The following UBL5 variants were observed in gnomAD, a reference collection of about 807,000 sequenced individuals.
The protein encoded by UBL5 is ubiquitin like 5.
A neutral mutation model predicts 11.7 loss-of-function variants in UBL5; 13 were observed. The ratio of observed to expected loss-of-function variants is 1.11; its 90% CI spans 0.73 to 1.77. The LOEUF is 1.77. Among genes scored for constraint, UBL5 ranks in the 40% most tolerant of loss-of-function variants. The pLI, the probability that UBL5 is intolerant of heterozygous loss-of-function variation, is 0.00. For synonymous variants in UBL5, 28 were observed against 34.7 expected (o/e 0.81, Z 0.68); for missense variants, 58 against 92.3 (o/e 0.63, Z 1.52).
chr19:9,828,394 G>C lies in UBL5; in HGVS notation c.56+1G>C. 6.2e-7 allele frequency: 1 copy of C among 1,612,578 alleles called. No homozygotes were observed. The highest frequency in any genetic ancestry group is 8.5e-7 in the Non-Finnish European group (1 of 1,179,206). Reference sequence around the variant, plus strand: ...GGAAGAAGGTCCGCGTTAAATGCAAGTATCCACTGGCAGCCGAGAGGCAGT... The same window carrying C: ...GGAAGAAGGTCCGCGTTAAATGCAACTATCCACTGGCAGCCGAGAGGCAGT... On this transcript the variant is annotated splice_donor_variant, in intron 2 of 4. Transcript: ENST00000586895. LOFTEE classifies it high-confidence loss of function.
intron 2 of UBL5, 58 bp downstream of exon 2, chr19:9,828,451 G>A (rs1255321788): frequency 1.2e-6 from 2 of 1,610,698 alleles, no homozygotes; most frequent in Non-Finnish European, 1.7e-6. Context: ...CGTGAGGCAG[G>A]CAACTCAATC....
rs542441834 is a variant in UBL5, at chr19:9,827,949, G to C, written c.-47G>C. The C allele has an allele frequency of 1.7e-4, 55 of 321,518 alleles. No homozygotes were observed. Among genetic ancestry groups the C allele is most frequent in the Non-Finnish European group, 3.0e-4 (50 of 169,084 alleles). The allele number at this position is 321,518 out of a possible 1,614,324, so 19.9% of individuals were successfully genotyped here. A position where few individuals can be genotyped will look rare whatever the true frequency, so the allele number is the denominator to read the frequency against. ...GACCGGGGTTCAGCGCTCGGGTGAGGAGCTGGTGGCGTCGGCAGGTTCGAG... is the reference window on the plus strand; with the variant it reads ...GACCGGGGTTCAGCGCTCGGGTGAGCAGCTGGTGGCGTCGGCAGGTTCGAG... On this transcript the variant is annotated 5_prime_UTR_variant, in exon 1 of 5. Coordinates refer to ENST00000586895, the MANE Select transcript of UBL5 (RefSeq NM_001048241.3).
intron 4 of UBL5, chr19:9,829,159 G>C: frequency 2.4e-6 from 1 of 423,342 alleles, no homozygotes; most frequent in Non-Finnish European, 4.2e-6. Context: ...TGTGCAAAAG[G>C]AGCAGAAACT....
intron 1 of UBL5, 127 bp from the exon 2 acceptor site, chr19:9,828,200 C>A: frequency 1.1e-6 from 1 of 893,036 alleles, no homozygotes; most frequent in South Asian, 1.5e-5. Flanking sequence ...GGGGGCAGAA[C>A]GGAAGGCTCA....
rs1045774687 is a variant in UBL5, at chr19:9,829,718, A to G, written c.179-247A>G. The G allele has an allele frequency of 1.5e-5, 7 of 472,772 alleles. No individual in the cohort carries two copies. The East Asian group carries it at 2.5e-4, about 17-fold the overall frequency. 29.3% of individuals were successfully genotyped at this position (472,772 alleles called of 1,614,324 possible). A position where few individuals can be genotyped will look rare whatever the true frequency, so the allele number is the denominator to read the frequency against. On this transcript the variant is annotated intron_variant, in intron 4 of 4. Transcript: ENST00000586895. ...CATCGTGTTGGCCAGGCTGGTCTCA[A>G]ACTCCTGACGTCAAGTGAGCCACCT...
chr19:9,829,728 G>A (rs759078779), intron 4 of UBL5: 77 of 489,340 alleles, frequency 1.6e-4, no homozygotes, highest in Non-Finnish European at 2.3e-4. Flanking sequence ...AACTCCTGAC[G>A]TCAAGTGAGC....
Position 9,830,109 on chromosome 19 carries a change from G to C in UBL5, c.*101G>C, listed in dbSNP as rs2046047704. On this transcript the variant is annotated 3_prime_UTR_variant, in exon 5 of 5. Coordinates refer to ENST00000586895, the MANE Select transcript of UBL5 (RefSeq NM_001048241.3). ...AAAAACTCACCTTAATAAAGACTTA[G>C]ATGTTGCTTTGTTGTTGTCTCTGTA... 6.7e-7 allele frequency: 1 copy of C among 1,488,850 alleles called. No homozygotes were observed. The highest frequency in any genetic ancestry group is 9.3e-7 in the Non-Finnish European group (1 of 1,077,152). The allele number at this position is 1,488,850 out of a possible 1,614,324, so 92.2% of individuals were successfully genotyped here.
At chr19:9,829,749 G>A (rs1274410875) in intron 4 of UBL5, 3 of 529,766 alleles carry the variant, frequency 5.7e-6, no homozygotes, top group East Asian at 3.1e-5. Context: ...CACCTGCTTC[G>A]TCCTCTCAAA....
Position 9,830,105 on chromosome 19 carries a change from C to T in UBL5, c.*97C>T. The stretch of plus-strand genomic sequence containing the variant: ...TTGTAAAAACTCACCTTAATAAAGA[C>T]TTAGATGTTGCTTTGTTGTTGTCTC... On this transcript the variant is annotated 3_prime_UTR_variant, in exon 5 of 5. Transcript: ENST00000586895. 2 of 1,495,288 alleles carry T rather than the reference C, an allele frequency of 1.3e-6. No homozygotes were observed. The highest frequency in any genetic ancestry group is 2.3e-5 in the South Asian group (2 of 86,268). The allele number at this position is 1,495,288 out of a possible 1,614,324, so 92.6% of individuals were successfully genotyped here.
At chr19:9,829,053 GA>G in intron 4 of UBL5, 179 bp downstream of exon 4, 1 of 641,416 alleles carries the variant, frequency 1.6e-6, no homozygotes, top group Non-Finnish European at 2.7e-6. Flanking sequence ...AGTGGTTGGT[GA>G]AATAGTTTGA....
chr19:9,830,013 G>C lies in UBL5; in HGVS notation c.*5G>C. The C allele has an allele frequency of 6.2e-7, 1 of 1,613,978 alleles. No individual in the cohort carries two copies. Among genetic ancestry groups the C allele is most frequent in the Non-Finnish European group, 8.5e-7 (1 of 1,179,932 alleles). On this transcript the variant is annotated 3_prime_UTR_variant, in exon 5 of 5. Transcript: ENST00000586895. ...CTGGAGCTTTATTATCAATAGATGAGAATCCTCATCTTCCTGCCCCGCTTT... is the reference window on the plus strand; with the variant it reads ...CTGGAGCTTTATTATCAATAGATGACAATCCTCATCTTCCTGCCCCGCTTT...
At chr19:9,828,491 G>A in intron 2 of UBL5, 98 bp downstream of exon 2, 1 of 1,605,772 alleles carries the variant, frequency 6.2e-7, no homozygotes, top group Non-Finnish European at 8.5e-7. Context: ...AGTTAAACCC[G>A]GGAGAGGGGG....
chr19:9,828,832 C>T lies in UBL5; in HGVS notation c.141-5C>T, dbSNP rs1465542926. ...CCTTATCTCTGAAATGTCTCTTTTT[C>T]TTAGGTACACGATTTTTAAGGACCA... On this transcript the variant is annotated splice_region_variant and splice_polypyrimidine_tract_variant and intron_variant, in intron 3 of 4. Transcript: ENST00000586895. 1 of 1,614,150 alleles carries T rather than the reference C, an allele frequency of 6.2e-7. No individual in the cohort carries two copies. The highest frequency in any genetic ancestry group is 1.7e-5 in the Admixed American group (1 of 60,002).
Position 9,828,399 on chromosome 19 carries a change from C to T in UBL5, c.56+6C>T, listed in dbSNP as rs766889998. The stretch of plus-strand genomic sequence containing the variant: ...AAGGTCCGCGTTAAATGCAAGTATC[C>T]ACTGGCAGCCGAGAGGCAGTGGTAC... On this transcript the variant is annotated splice_donor_region_variant and intron_variant, in intron 2 of 4. Coordinates refer to ENST00000586895, the MANE Select transcript of UBL5 (RefSeq NM_001048241.3). 1.7e-5 allele frequency: 28 copies of T among 1,613,950 alleles called. No homozygotes were observed. Among genetic ancestry groups the T allele is most frequent in the African/African-American group, 1.3e-5 (1 of 74,884 alleles).
chr19:9,829,120 AG>A lies in UBL5; in HGVS notation c.178+249del, dbSNP rs914274345. 1.9e-5 allele frequency: 11 copies of A among 572,568 alleles called. No individual in the cohort carries two copies. The African/African-American group carries it at 2.1e-4, about 11-fold the overall frequency. The allele number at this position is 572,568 out of a possible 1,614,324, so 35.5% of individuals were successfully genotyped here. On this transcript the variant is annotated intron_variant, in intron 4 of 4. Transcript: ENST00000586895. Reference sequence around the variant, plus strand: ...CCACCTGAGTGCTGGACAGTAGGTCAGGGTGGGGTGAGACTCAGGCATATCT... The same window carrying A: ...CCACCTGAGTGCTGGACAGTAGGTCAGGTGGGGTGAGACTCAGGCATATCT...
At chr19:9,828,129 C>A in intron 1 of UBL5, 145 bp downstream of exon 1, 1 of 605,276 alleles carries the variant, frequency 1.7e-6, no homozygotes, top group Admixed American at 2.9e-5. Context: ...CGCGGCTCCC[C>A]GGGGTTCGCG....
chr19:9,828,738 G>C (rs2046039579), intron 3 of UBL5, 63 bp downstream of exon 3: 2 of 1,611,824 alleles, frequency 1.2e-6, no homozygotes, highest in Non-Finnish European at 8.5e-7. Context: ...GGTTGGGGGA[G>C]CGCTGCAGGC....
At position 9,829,975 on chromosome 19, in the gene UBL5, C is replaced by T. The variant is rs954394926; in HGVS notation, c.189C>T (p.His63=). 1.1e-5 allele frequency: 18 copies of T among 1,613,938 alleles called. No homozygotes were observed. Among genetic ancestry groups the T allele is most frequent in the Admixed American group, 8.3e-5 (5 of 59,990 alleles). The part of the protein sequence containing the change: ...DHVSLGDYEI[H]DGMNLELYYQ The stretch of plus-strand genomic sequence containing the variant: ...ACACCTTTCCTTCAGATGAAATCCA[C>T]GATGGGATGAACCTGGAGCTTTATT... Residue 63 remains histidine, a synonymous_variant, in exon 5 of 5, where the codon CAC becomes CAT. Transcript: ENST00000586895.
intron 1 of UBL5, 51 bp downstream of exon 1, chr19:9,828,035 C>T: frequency 2.0e-6 from 1 of 504,272 alleles, no homozygotes; most frequent in South Asian, 2.4e-5. Flanking sequence ...TGTCGCGACC[C>T]AGCCACCCAG....
Sources: allele counts gnomAD v4.1 joint callset, GRCh38; gene constraint gnomAD v4.1.1; transcripts MANE v1.5; gene names NCBI Gene and HGNC (gene_info 2026-07-23, HGNC 2026-07-21).